Variants in FBXW10B observed in about 807,000 individuals in gnomAD.
FBXW10B encodes the protein F-box and WD repeat domain containing protein 10B.
chr17:15,610,463 T>G, the FBXW10B span, among the ~76,000 whole-genome samples: 1 of 152,122 alleles, frequency 6.6e-6, no homozygotes, highest in Non-Finnish European at 1.5e-5. Flanking sequence ...TTCACTATCT[T>G]AGTGCACTTG....
chr17:15,567,063 C>T, the FBXW10B span, among the ~76,000 whole-genome samples: 424 of 149,482 alleles, frequency 2.8e-3, 1 homozygote, highest in African/African-American at 0.01. Context: ...CGAGGTCAGG[C>T]GATCCAGACC....
At chr17:15,579,005 A>T in the FBXW10B span, among the ~76,000 whole-genome samples, 1 of 152,100 alleles carries the variant, frequency 6.6e-6, no homozygotes, top group Non-Finnish European at 1.5e-5. Context: ...TCCTTGAAAA[A>T]AATTATTAAT....
the FBXW10B span, chr17:15,607,812 C>T: frequency 5.0e-6 from 4 of 795,908 alleles, no homozygotes; most frequent in East Asian, 8.3e-5. Context: ...GAGGCTGCTG[C>T]TCTGCAGAGA....
chr17:15,567,402 T>C, the FBXW10B span, among the ~76,000 whole-genome samples: 1 of 152,148 alleles, frequency 6.6e-6, no homozygotes, highest in Non-Finnish European at 1.5e-5. Context: ...TATTAATTTG[T>C]CTTTTTTCAA....
At chr17:15,570,266 G>A in the FBXW10B span, among the ~76,000 whole-genome samples, 1 of 152,200 alleles carries the variant, frequency 6.6e-6, no homozygotes, top group Non-Finnish European at 1.5e-5. Flanking sequence ...TGGAGAATGA[G>A]CGAAGAGACA....
the FBXW10B span, among the ~76,000 whole-genome samples, chr17:15,606,987 C>T: frequency 6.6e-6 from 1 of 152,100 alleles, no homozygotes; most frequent in Non-Finnish European, 1.5e-5. Flanking sequence ...CTTCGTCTCT[C>T]GGCATATTGA....
chr17:15,584,883 C>A, the FBXW10B span, among the ~76,000 whole-genome samples: 1 of 151,828 alleles, frequency 6.6e-6, no homozygotes, highest in Non-Finnish European at 1.5e-5. Context: ...GTGTGCTCTT[C>A]TAAAAGGGCT....
the FBXW10B span, among the ~76,000 whole-genome samples, chr17:15,595,586 C>T: frequency 6.6e-6 from 1 of 152,054 alleles, no homozygotes; most frequent in South Asian, 2.1e-4. Context: ...TTGCCAGAAC[C>T]CAGAGTGCAC....
At chr17:15,616,901 G>GT in the FBXW10B span, among the ~76,000 whole-genome samples, 1 of 151,896 alleles carries the variant, frequency 6.6e-6, no homozygotes, top group Non-Finnish European at 1.5e-5. Flanking sequence ...CATTCCTATG[G>GT]TGAATGGGAT....
the FBXW10B span, chr17:15,588,554 G>T: frequency 3.5e-6 from 1 of 286,110 alleles, no homozygotes; most frequent in Non-Finnish European, 6.8e-6. Context: ...AAACCTAGCT[G>T]CCCTATAGCC....
the FBXW10B span, among the ~76,000 whole-genome samples, chr17:15,569,701 C>A: frequency 4.6e-5 from 7 of 151,814 alleles, no homozygotes; most frequent in Non-Finnish European, 1.0e-4. Flanking sequence ...TCCTAAAGTG[C>A]TGGGATTACA....
At chr17:15,601,430 GAGAA>G in the FBXW10B span, among the ~76,000 whole-genome samples, 3 of 139,100 alleles carry the variant, frequency 2.2e-5, no homozygotes, top group Admixed American at 7.2e-5. Flanking sequence ...AAAAAAAAAA[GAGAA>G]AGAAAAACCA....
At chr17:15,596,766 C>A in the FBXW10B span, 7 of 1,398,002 alleles carry the variant, frequency 5.0e-6, no homozygotes, top group Non-Finnish European at 6.7e-6. Context: ...AAAGACTCAT[C>A]GAGCCCATCA....
chr17:15,583,600 G>T, the FBXW10B span, among the ~76,000 whole-genome samples: 1 of 150,454 alleles, frequency 6.6e-6, no homozygotes, highest in Non-Finnish European at 1.5e-5. Flanking sequence ...CCCACAGGAA[G>T]CTCCTCCCAG....
chr17:15,596,681 G>A, the FBXW10B span: 1 of 1,612,494 alleles, frequency 6.2e-7, no homozygotes, highest in African/African-American at 1.3e-5. Flanking sequence ...GAGGGAGACA[G>A]AGGAAGACAT....
At chr17:15,605,712 A>G in the FBXW10B span, among the ~76,000 whole-genome samples, 1 of 152,110 alleles carries the variant, frequency 6.6e-6, no homozygotes, top group Admixed American at 6.5e-5. Flanking sequence ...AGAACAGAGT[A>G]TGTGGCATTG....
At chr17:15,600,701 G>A in the FBXW10B span, among the ~76,000 whole-genome samples, 1 of 152,106 alleles carries the variant, frequency 6.6e-6, no homozygotes, top group Admixed American at 6.6e-5. Context: ...GGAAGGCCTA[G>A]GCAAAGTTAG....
chr17:15,592,541 C>A, the FBXW10B span, among the ~76,000 whole-genome samples: 4,812 of 151,762 alleles, frequency 0.032, 136 homozygotes, highest in East Asian at 0.18. Flanking sequence ...AAAGCACAGT[C>A]CTGTATACAA....
At chr17:15,583,304 T>C in the FBXW10B span, among the ~76,000 whole-genome samples, 2 of 129,942 alleles carry the variant, frequency 1.5e-5, no homozygotes, top group African/African-American at 5.3e-5. Context: ...TTTCCGCCCA[T>C]CTCCCACCCA....
Sources: gnomAD v4.1 joint callset for allele counts (sites outside exome capture counted in the v4.1 genomes callset) on GRCh38, gnomAD v4.1.1 for gene constraint, MANE v1.5 for transcripts, NCBI Gene and HGNC (gene_info 2026-07-23, HGNC 2026-07-21) for gene names.